Variants in CFAP95 observed in about 807,000 individuals in gnomAD.
CFAP95 encodes the protein cilia and flagella associated protein 95, also known as cilia- and flagella-associated protein 95.
chr9:69,878,362 G>A, the CFAP95 span, among the ~76,000 whole-genome samples: 43 of 152,276 alleles, frequency 2.8e-4, no homozygotes, highest in Admixed American at 1.2e-3. Flanking sequence ...AGGGAAGGGC[G>A]TTCTCCTTCT....
At chr9:69,888,133 C>T in the CFAP95 span, among the ~76,000 whole-genome samples, 1 of 151,972 alleles carries the variant, frequency 6.6e-6, no homozygotes, top group Non-Finnish European at 1.5e-5. Flanking sequence ...AATGAAATTC[C>T]AATGGAATTT....
At chr9:69,897,735 G>C in the CFAP95 span, among the ~76,000 whole-genome samples, 1 of 152,138 alleles carries the variant, frequency 6.6e-6, no homozygotes, top group Non-Finnish European at 1.5e-5. Flanking sequence ...AAGGGGCAAT[G>C]GGGGTGGAGG....
the CFAP95 span, among the ~76,000 whole-genome samples, chr9:69,826,071 G>T: frequency 6.6e-6 from 1 of 152,124 alleles, no homozygotes; most frequent in Admixed American, 6.5e-5. Context: ...ATAATTGTGG[G>T]GTAGGGAATT....
the CFAP95 span, among the ~76,000 whole-genome samples, chr9:69,861,853 A>G: frequency 0.055 from 1,723 of 31,256 alleles, 35 homozygotes; most frequent in African/African-American, 0.14. Flanking sequence ...CAGAGTTATC[A>G]GAGACTTGAT....
chr9:69,868,878 G>T, the CFAP95 span, among the ~76,000 whole-genome samples: 2 of 149,806 alleles, frequency 1.3e-5, no homozygotes, highest in Non-Finnish European at 3.0e-5. Context: ...CATACAAATG[G>T]CCAACAGGTA....
chr9:69,863,329 T>C, the CFAP95 span, among the ~76,000 whole-genome samples: 1 of 151,304 alleles, frequency 6.6e-6, no homozygotes, highest in African/African-American at 2.4e-5. Flanking sequence ...TAACTTATGT[T>C]ATATGGGTAG....
At chr9:69,897,088 C>T in the CFAP95 span, among the ~76,000 whole-genome samples, 58 of 152,216 alleles carry the variant, frequency 3.8e-4, no homozygotes, top group African/African-American at 1.3e-3. Flanking sequence ...GAAGGCAAGT[C>T]TTCAGTCAAG....
At chr9:69,897,839 G>A in the CFAP95 span, among the ~76,000 whole-genome samples, 1 of 152,060 alleles carries the variant, frequency 6.6e-6, no homozygotes. Flanking sequence ...TGGGTTGGGG[G>A]AACCACTCAC....
the CFAP95 span, among the ~76,000 whole-genome samples, chr9:69,890,894 A>T: frequency 2.3e-3 from 357 of 152,318 alleles, no homozygotes; most frequent in African/African-American, 8.0e-3. Context: ...AATACAGAGG[A>T]TTAGGAAGCC....
At chr9:69,903,328 C>G in the CFAP95 span, among the ~76,000 whole-genome samples, 1 of 152,218 alleles carries the variant, frequency 6.6e-6, no homozygotes, top group Non-Finnish European at 1.5e-5. Flanking sequence ...GAACCTATTA[C>G]TGTCATTGAG....
At chr9:69,844,414 A>T in the CFAP95 span, 1 of 631,840 alleles carries the variant, frequency 1.6e-6, no homozygotes, top group Non-Finnish European at 2.6e-6. Context: ...TATACTTAAT[A>T]CTACAAATAT....
the CFAP95 span, among the ~76,000 whole-genome samples, chr9:69,842,587 T>C: frequency 6.6e-6 from 1 of 152,202 alleles, no homozygotes; most frequent in South Asian, 2.1e-4. Context: ...AAATTTTAAT[T>C]CATATTAAGA....
At chr9:69,868,975 C>G in the CFAP95 span, among the ~76,000 whole-genome samples, 16 of 152,092 alleles carry the variant, frequency 1.1e-4, no homozygotes, top group Non-Finnish European at 2.9e-5. Flanking sequence ...GTTGGGATGA[C>G]TTTATCAAAA....
the CFAP95 span, among the ~76,000 whole-genome samples, chr9:69,847,047 G>A: frequency 6.6e-6 from 1 of 152,266 alleles, no homozygotes; most frequent in East Asian, 1.9e-4. Flanking sequence ...CCAGTCACAT[G>A]CCTAAAAACC....
At chr9:69,824,978 A>T in the CFAP95 span, among the ~76,000 whole-genome samples, 3 of 152,214 alleles carry the variant, frequency 2.0e-5, no homozygotes, top group Non-Finnish European at 4.4e-5. Flanking sequence ...GTTCTTCCGT[A>T]TCCAACCAGT....
the CFAP95 span, among the ~76,000 whole-genome samples, chr9:69,903,498 G>A: frequency 6.6e-6 from 1 of 152,182 alleles, no homozygotes; most frequent in Non-Finnish European, 1.5e-5. Context: ...CAGTTGCCAT[G>A]AGCTTACTAT....
At chr9:69,864,452 A>G in the CFAP95 span, among the ~76,000 whole-genome samples, 1 of 152,126 alleles carries the variant, frequency 6.6e-6, no homozygotes, top group African/African-American at 2.4e-5. Flanking sequence ...TGTGCTGCCT[A>G]ATAGCCCTCT....
At chr9:69,875,235 G>T in the CFAP95 span, among the ~76,000 whole-genome samples, 1 of 151,910 alleles carries the variant, frequency 6.6e-6, no homozygotes, top group South Asian at 2.1e-4. Context: ...GGGGGTGAGG[G>T]AAGGAGAAGG....
chr9:69,835,263 T>G, the CFAP95 span, among the ~76,000 whole-genome samples: 1 of 152,246 alleles, frequency 6.6e-6, no homozygotes, highest in African/African-American at 2.4e-5. Flanking sequence ...GAGTCTTAAC[T>G]AAACATTTTA....
Sources: allele counts gnomAD v4.1 joint callset (sites outside exome capture counted in the v4.1 genomes callset), GRCh38; gene constraint gnomAD v4.1.1; transcripts MANE v1.5; gene names NCBI Gene and HGNC (gene_info 2026-07-23, HGNC 2026-07-21).